The following HSPA14 variants were observed in gnomAD, a reference collection of about 807,000 sequenced individuals.
HSPA14 encodes heat shock 70 kDa protein 14.
A neutral mutation model predicts 65.5 loss-of-function variants in HSPA14; 37 were observed. That is an observed-to-expected ratio of 0.56 (90% confidence interval 0.43 to 0.74). HSPA14 has a LOEUF of 0.74. HSPA14 is among the 30% of genes least tolerant of loss of function. HSPA14 has a pLI of 0.00. For synonymous variants in HSPA14, 203 were observed against 214.2 expected (o/e 0.95, Z 0.46); for missense variants, 564 against 607.6 (o/e 0.93, Z 0.75).
chr10:14,842,555 C>G lies in HSPA14; in HGVS notation c.221+2398C>G, dbSNP rs188668845. 62 of 1,536,162 alleles carry G rather than the reference C, an allele frequency of 4.0e-5. No homozygotes were observed. Among genetic ancestry groups the G allele is most frequent in the Non-Finnish European group, 5.2e-5 (60 of 1,146,926 alleles). ...AAGTATGGGTGAGCCACCACACTGT[C>G]CATTTTATGATACGTTGGATCAGCT... On this transcript the variant is annotated intron_variant, in intron 3 of 13. Transcript: ENST00000378372. The surrounding 1 kb of genome is among the most constrained non-coding windows in gnomAD (Gnocchi z 5.2).
chr10:14,871,246 A>G (rs749251725), intron 13 of HSPA14, among the ~76,000 whole-genome samples: 1 of 152,180 alleles, frequency 6.6e-6, no homozygotes, highest in Non-Finnish European at 1.5e-5. Context: ...AGCTTATATA[A>G]AGTCTTAAAC....
chr10:14,868,257 G>A (rs1832824138), intron 12 of HSPA14, among the ~76,000 whole-genome samples: 2 of 152,126 alleles, frequency 1.3e-5, no homozygotes, highest in South Asian at 2.1e-4. Context: ...TAAGAAGTTG[G>A]CCTGTGATAG....
chr10:14,844,835 C>T, intron 3 of HSPA14: 7 of 985,392 alleles, frequency 7.1e-6, no homozygotes, highest in Non-Finnish European at 8.4e-6. Context: ...CAGATTATAT[C>T]AGTTTCCCAT....
At chr10:14,839,841 G>T (rs1295518488) in intron 1 of HSPA14, 64 bp from the exon 2 acceptor site, 5 of 1,185,172 alleles carry the variant, frequency 4.2e-6, no homozygotes, top group African/African-American at 3.0e-5. Context: ...AGTAACACTG[G>T]TGCACAAATG....
chr10:14,865,044 G>A (rs1397210664), intron 10 of HSPA14, among the ~76,000 whole-genome samples: 5 of 152,128 alleles, frequency 3.3e-5, no homozygotes, highest in African/African-American at 2.4e-5. Context: ...TCTCCTTGTG[G>A]TTTTGATTTG....
At chr10:14,846,785 C>T in intron 3 of HSPA14, 1 of 985,344 alleles carries the variant, frequency 1.0e-6, no homozygotes. Context: ...CTGGTGTGTG[C>T]CAAGCCCGTG....
intron 11 of HSPA14, 102 bp from the exon 12 acceptor site, chr10:14,867,634 C>T: frequency 1.0e-6 from 1 of 978,010 alleles, no homozygotes; most frequent in South Asian, 1.8e-5. Context: ...GCCTAGTGTC[C>T]TGTTTATCAA....
At chr10:14,846,220 A>T in intron 3 of HSPA14, 1 of 985,256 alleles carries the variant, frequency 1.0e-6, no homozygotes, top group Non-Finnish European at 1.2e-6. Flanking sequence ...ATATGTGTCA[A>T]TTATAGGTAG....
intron 1 of HSPA14, 169 bp downstream of exon 1, chr10:14,838,628 C>T: frequency 1.6e-6 from 1 of 615,658 alleles, no homozygotes; most frequent in Non-Finnish European, 2.7e-6. Context: ...GGCCTCGCGC[C>T]TGGCGATTCC....
chr10:14,854,639 A>G (rs967237451), intron 9 of HSPA14, among the ~76,000 whole-genome samples: 18 of 152,336 alleles, frequency 1.2e-4, no homozygotes, highest in African/African-American at 4.1e-4. Flanking sequence ...TCTCAACAAC[A>G]TAATAGGTGA....
intron 10 of HSPA14, among the ~76,000 whole-genome samples, chr10:14,858,948 C>T (rs1451370693): frequency 3.9e-5 from 6 of 152,094 alleles, no homozygotes; most frequent in South Asian, 2.1e-4. Context: ...TGCTTGTGAC[C>T]GTTGCCTTCT....
intron 10 of HSPA14, among the ~76,000 whole-genome samples, 178 bp downstream of exon 10, chr10:14,856,121 A>G (rs980562811): frequency 2.0e-5 from 3 of 152,234 alleles, no homozygotes; most frequent in African/African-American, 7.2e-5. Context: ...ACTCATTTGT[A>G]TATATTCAGT....
intron 3 of HSPA14, chr10:14,844,270 T>C (rs1834014727): frequency 1.8e-6 from 2 of 1,083,652 alleles, no homozygotes; most frequent in Non-Finnish European, 2.3e-6. Flanking sequence ...ACGTAGTTCA[T>C]AGATGTGAAA....
At chr10:14,862,380 T>TC (rs1832758262) in intron 10 of HSPA14, among the ~76,000 whole-genome samples, 2 of 148,186 alleles carry the variant, frequency 1.3e-5, no homozygotes, top group South Asian at 2.1e-4. Context: ...TCTTTTCTTT[T>TC]TTTTTTTTTT....
Position 14,844,897 on chromosome 10 carries a change from T to C in HSPA14, c.222-3712T>C, listed in dbSNP as rs561216915. The C allele has an allele frequency of 1.6e-5, 16 of 985,450 alleles. No homozygotes were observed. In the East Asian group the frequency reaches 1.2e-3, roughly 77 times the overall value. The allele number at this position is 985,450 out of a possible 1,614,324, so 61.0% of individuals were successfully genotyped here. ...TCTGTTATTTTTTTGTCTAGTATGTTATACAGGGCAAGCCCTAGAAACGTT... is the reference window on the plus strand; with the variant it reads ...TCTGTTATTTTTTTGTCTAGTATGTCATACAGGGCAAGCCCTAGAAACGTT... On this transcript the variant is annotated intron_variant, in intron 3 of 13. Transcript: ENST00000378372.
intron 10 of HSPA14, among the ~76,000 whole-genome samples, chr10:14,864,184 G>A (rs946603140): frequency 2.8e-5 from 4 of 144,888 alleles, no homozygotes; most frequent in Non-Finnish European, 6.0e-5. Flanking sequence ...AGCTATGACT[G>A]TACCACTGCA....
Position 14,848,796 on chromosome 10 carries a change from G to A in HSPA14, c.277G>A (p.Glu93Lys). The A allele has an allele frequency of 6.5e-7, 1 of 1,547,548 alleles. No homozygotes were observed. The highest frequency in any genetic ancestry group is 8.8e-7 in the Non-Finnish European group (1 of 1,133,058). The change falls in exon 5 of 14, where the codon GAA becomes AAA. Residue 93 changes from glutamate (E) to lysine (K), a missense_variant. Physicochemically the swap from Glu to Lys is moderately conservative, Grantham distance 56. Transcript: ENST00000378372. The stretch of plus-strand genomic sequence containing the variant: ...ATTGTAATTTATTTTATAGGTCATT[G>A]AAAAAAATGGGAAATTACGATATGA... ...YIAESKCLVI[E>K]KNGKLRYEID...
intron 9 of HSPA14, 42 bp downstream of exon 9, chr10:14,854,322 A>T: frequency 6.7e-7 from 1 of 1,491,916 alleles, no homozygotes; most frequent in African/African-American, 1.4e-5. Flanking sequence ...AAATTCCAAG[A>T]ACATGTTTGT....
intron 3 of HSPA14, chr10:14,846,920 A>G: frequency 1.0e-6 from 1 of 985,422 alleles, no homozygotes; most frequent in Non-Finnish European, 1.2e-6. Flanking sequence ...ATAAGGTGCT[A>G]TGTATACCAA....
Sources: gnomAD v4.1 joint callset for allele counts (sites outside exome capture counted in the v4.1 genomes callset) on GRCh38, gnomAD v4.1.1 for gene constraint, Gnocchi (gnomAD v3.1) non-coding constraint, MANE v1.5 for transcripts, NCBI Gene and HGNC (gene_info 2026-07-23, HGNC 2026-07-21) for gene names.